Variants in CSRNP3 observed in about 807,000 individuals in gnomAD.
CSRNP3 encodes cysteine and serine rich nuclear protein 3, also known as cysteine/serine-rich nuclear protein 3.
In CSRNP3, 12 loss-of-function variants were observed where a neutral mutation model predicts 48.0. That is an observed-to-expected ratio of 0.25 (90% CI 0.16 to 0.41). The LOEUF is 0.41. CSRNP3 is among the 10% of genes least tolerant of loss of function. The pLI is 1.00. For missense variants in CSRNP3, 580 were observed against 724.4 expected (o/e 0.80, Z 2.29); for synonymous variants, 263 against 269.7 (o/e 0.98, Z 0.24).
At chr2:165,511,442 G>A (rs1205515410) in intron 2 of CSRNP3, among the ~76,000 whole-genome samples, 1 of 152,136 alleles carries the variant, frequency 6.6e-6, no homozygotes, top group Non-Finnish European at 1.5e-5. Context: ...TATAATTGAA[G>A]TCGTGAAAAC....
intron 1 of CSRNP3, among the ~76,000 whole-genome samples, chr2:165,483,444 A>C (rs2105450360): frequency 6.6e-6 from 1 of 152,310 alleles, no homozygotes; most frequent in East Asian, 1.9e-4. Flanking sequence ...CAATAGCATA[A>C]AAATTAATAA....
intron 2 of CSRNP3, among the ~76,000 whole-genome samples, chr2:165,503,203 G>A (rs1294553035): frequency 1.3e-5 from 2 of 151,740 alleles, no homozygotes; most frequent in African/African-American, 4.8e-5. Context: ...TTGCTCCTAG[G>A]ATTTTCATAA....
intron 3 of CSRNP3, among the ~76,000 whole-genome samples, chr2:165,518,624 A>T (rs908613132): frequency 6.6e-6 from 1 of 152,010 alleles, no homozygotes; most frequent in Non-Finnish European, 1.5e-5. Context: ...TGTAGGTTAA[A>T]GTGGTTTAGT....
intron 4 of CSRNP3, among the ~76,000 whole-genome samples, chr2:165,640,084 T>C (rs1686699258): frequency 6.6e-6 from 1 of 152,204 alleles, no homozygotes; most frequent in African/African-American, 2.4e-5. Flanking sequence ...TTCATACATA[T>C]TGATTCTCTG....
intron 1 of CSRNP3, among the ~76,000 whole-genome samples, chr2:165,470,650 C>T (rs1265651339): frequency 6.6e-6 from 1 of 151,788 alleles, no homozygotes; most frequent in East Asian, 1.9e-4. Flanking sequence ...AAAAAAGGGA[C>T]AAGTTCTAAG....
chr2:165,535,145 C>A (rs995821968), intron 3 of CSRNP3, among the ~76,000 whole-genome samples: 6 of 151,576 alleles, frequency 4.0e-5, no homozygotes, highest in Middle Eastern at 3.2e-3. Context: ...AAATAAAATG[C>A]ATTTTTAGAG....
At chr2:165,483,137 C>A (rs1306275815) in intron 1 of CSRNP3, among the ~76,000 whole-genome samples, 1 of 151,422 alleles carries the variant, frequency 6.6e-6, no homozygotes, top group East Asian at 1.9e-4. Context: ...ATTCAGTATA[C>A]CTAGGCTCTG....
intron 3 of CSRNP3, among the ~76,000 whole-genome samples, chr2:165,535,467 G>A (rs1684870149): frequency 6.6e-6 from 1 of 151,702 alleles, no homozygotes; most frequent in South Asian, 2.1e-4. Context: ...AATAAGCTTG[G>A]CAAAATTTAG....
intron 3 of CSRNP3, chr2:165,574,237 C>T (rs1685413677): frequency 1.5e-6 from 1 of 667,052 alleles, no homozygotes; most frequent in Non-Finnish European, 2.6e-6. Flanking sequence ...GAGGCTTTGA[C>T]TGCAGAAGCG....
chr2:165,591,771 C>T (rs1386564905), intron 3 of CSRNP3, among the ~76,000 whole-genome samples: 1 of 152,192 alleles, frequency 6.6e-6, no homozygotes, highest in African/African-American at 2.4e-5. Flanking sequence ...GGAACCTCTG[C>T]CTAGGGTTCG....
At chr2:165,544,096 A>G (rs1179387578) in intron 3 of CSRNP3, among the ~76,000 whole-genome samples, 1 of 152,094 alleles carries the variant, frequency 6.6e-6, no homozygotes, top group Non-Finnish European at 1.5e-5. Context: ...GTGATATGGA[A>G]TAAAATAAAA....
intron 1 of CSRNP3, among the ~76,000 whole-genome samples, chr2:165,473,426 G>A (rs1683918758): frequency 6.6e-6 from 1 of 152,096 alleles, no homozygotes; most frequent in Non-Finnish European, 1.5e-5. Context: ...TAACATGAGA[G>A]TAAGAAAGCT....
intron 3 of CSRNP3, among the ~76,000 whole-genome samples, chr2:165,529,085 G>A (rs1684778463): frequency 6.6e-6 from 1 of 152,198 alleles, no homozygotes; most frequent in South Asian, 2.1e-4. Context: ...TGCCCTCACA[G>A]GCTCAGAAGT....
chr2:165,504,761 T>G (rs977633806), intron 2 of CSRNP3, among the ~76,000 whole-genome samples: 1 of 152,104 alleles, frequency 6.6e-6, no homozygotes, highest in Non-Finnish European at 1.5e-5. Context: ...GTCCCTGCTT[T>G]TGGTCCCTCA....
chr2:165,678,832 A>G lies in CSRNP3; in HGVS notation c.837A>G (p.Lys279=). Residue 279 remains lysine, a synonymous_variant, in exon 7 of 7, where the codon AAA becomes AAG. Coordinates refer to ENST00000651982, the MANE Select transcript of CSRNP3 (RefSeq NM_001172173.2). ...CAATAATGAAACTTGAACTGGAGAAAAACCGAGAGCAGCAAATCCCCACGC... is the reference window on the plus strand; with the variant it reads ...CAATAATGAAACTTGAACTGGAGAAGAACCGAGAGCAGCAAATCCCCACGC... ...LHTIMKLELE[K]NREQQIPTLN... is the part of the protein sequence containing the mutation. 1 of 1,614,038 alleles carries G rather than the reference A, an allele frequency of 6.2e-7. No individual in the cohort carries two copies.
intron 5 of CSRNP3, among the ~76,000 whole-genome samples, chr2:165,659,385 T>C (rs1163245903): frequency 6.6e-6 from 1 of 152,106 alleles, no homozygotes; most frequent in East Asian, 1.9e-4. Context: ...ACCCCTAAAT[T>C]TCTGGCTTGC....
At chr2:165,649,059 A>G (rs1031901954) in intron 4 of CSRNP3, among the ~76,000 whole-genome samples, 2 of 152,158 alleles carry the variant, frequency 1.3e-5, no homozygotes, top group Non-Finnish European at 2.9e-5. Context: ...GACTGAATGG[A>G]TGACGACGTG....
At chr2:165,489,902 C>T (rs1684178909) in intron 1 of CSRNP3, among the ~76,000 whole-genome samples, 1 of 147,256 alleles carries the variant, frequency 6.8e-6, no homozygotes, top group African/African-American at 2.5e-5. Context: ...CAGGGATGCC[C>T]TCTCTCACCG....
intron 4 of CSRNP3, among the ~76,000 whole-genome samples, chr2:165,608,328 C>T (rs1486283863): frequency 6.6e-6 from 1 of 151,886 alleles, no homozygotes; most frequent in African/African-American, 2.4e-5. Context: ...GACAATGAAA[C>T]AAAATTTATG....
Sources: allele counts gnomAD v4.1 joint callset (sites outside exome capture counted in the v4.1 genomes callset), GRCh38; gene constraint gnomAD v4.1.1; transcripts MANE v1.5; gene names NCBI Gene and HGNC (gene_info 2026-07-23, HGNC 2026-07-21).